B4GALT6: variants seen among roughly 807,000 people sequenced by gnomAD.
B4GALT6 encodes beta-1,4-galactosyltransferase 6, also known as UDP-Gal:beta-GlcNAc beta-1,4-galactosyltransferase 6.
B4GALT6 carries 14 observed loss-of-function variants against 46.3 expected under a neutral mutation model. The ratio of observed to expected loss-of-function variants is 0.30; its 90% CI spans 0.20 to 0.47. The LOEUF is 0.47. Ranked by LOEUF, B4GALT6 falls within the 20% of genes least tolerant of loss-of-function variation. B4GALT6 has a pLI of 0.99. For missense variants in B4GALT6, 386 were observed against 480.1 expected (o/e 0.80, Z 1.83); for synonymous variants, 168 against 162.0 (o/e 1.04, Z -0.28).
upstream of B4GALT6, among the ~76,000 whole-genome samples, chr18:31,689,589 A>G (rs545724898): frequency 8.5e-5 from 13 of 152,232 alleles, no homozygotes; most frequent in Admixed American, 2.0e-4. Flanking sequence ...CCAGAAATAT[A>G]AAAAATTAGC....
chr18:31,687,786 A>G (rs1471263492), upstream of B4GALT6, among the ~76,000 whole-genome samples: 1 of 152,198 alleles, frequency 6.6e-6, no homozygotes, highest in Non-Finnish European at 1.5e-5. Flanking sequence ...TTAAATCATA[A>G]TTAATGGTTT....
chr18:31,656,398 G>C (rs968215720), intron 3 of B4GALT6, among the ~76,000 whole-genome samples: 14 of 151,936 alleles, frequency 9.2e-5, no homozygotes, highest in African/African-American at 3.4e-4. Context: ...AAAAATCATG[G>C]GGCAGGGGTA....
intron 3 of B4GALT6, among the ~76,000 whole-genome samples, chr18:31,650,519 T>G (rs2074051367): frequency 6.6e-6 from 1 of 152,162 alleles, no homozygotes; most frequent in Non-Finnish European, 1.5e-5. Context: ...ACCTGAGCAA[T>G]GCTGGTAGGA....
chr18:31,640,989 T>C (rs2073924187), intron 4 of B4GALT6, among the ~76,000 whole-genome samples: 1 of 152,250 alleles, frequency 6.6e-6, no homozygotes, highest in Non-Finnish European at 1.5e-5. Flanking sequence ...TGATAACATG[T>C]AGCTTAGTAA....
intron 1 of B4GALT6, among the ~76,000 whole-genome samples, chr18:31,682,913 C>G (rs138754368): frequency 5.9e-5 from 9 of 152,230 alleles, no homozygotes; most frequent in Non-Finnish European, 1.3e-4. Context: ...AATATCAAAT[C>G]CACTAAGCTA....
intron 2 of B4GALT6, chr18:31,658,313 C>T (rs2074168865): frequency 5.2e-6 from 2 of 381,396 alleles, no homozygotes; most frequent in South Asian, 4.3e-5. Context: ...CACCCTTATC[C>T]TTGCACACAG....
intron 6 of B4GALT6, among the ~76,000 whole-genome samples, chr18:31,628,408 T>A (rs1043389610): frequency 6.6e-6 from 1 of 152,212 alleles, no homozygotes; most frequent in African/African-American, 2.4e-5. Context: ...CATGAATAAA[T>A]GTGTCTGTGT....
the B4GALT6 span, among the ~76,000 whole-genome samples, chr18:31,711,810 AT>A: frequency 6.6e-6 from 1 of 152,196 alleles, no homozygotes; most frequent in Non-Finnish European, 1.5e-5. Context: ...CAGGCTCCTT[AT>A]CCCTTTTTCA....
chr18:31,626,996 T>C lies in B4GALT6; in HGVS notation c.899+3A>G. 1 of 1,606,918 alleles carries C rather than the reference T, an allele frequency of 6.2e-7. No individual in the cohort carries two copies. The highest frequency in any genetic ancestry group is 8.5e-7 in the Non-Finnish European group (1 of 1,177,644). The stretch of plus-strand genomic sequence containing the variant: ...TTAGTGAACAATTTGTACCTCAACA[T>C]ACCTGTTCCAAAGGTCATCATCTTC... On this transcript the variant is annotated splice_donor_region_variant and intron_variant, in intron 7 of 8. Coordinates refer to ENST00000306851, the MANE Select transcript of B4GALT6 (RefSeq NM_004775.5).
Position 31,656,546 on chromosome 18 carries a change from A to C in B4GALT6, c.346+1430T>G, listed in dbSNP as rs375097578. Among the ~76,000 whole-genome samples, 9 of 152,134 alleles carry C rather than the reference A, an allele frequency of 5.9e-5. No homozygotes were observed. The South Asian group carries it at 1.9e-3, about 32-fold the overall frequency. On this transcript the variant is annotated intron_variant, in intron 3 of 8. Coordinates refer to ENST00000306851, the MANE Select transcript of B4GALT6 (RefSeq NM_004775.5). ...AAAATATATATATTTAAAGTACAGT[A>C]GCTTTATCACTACCACATATTACAC...
chr18:31,648,886 T>C (rs949949336), intron 3 of B4GALT6, among the ~76,000 whole-genome samples: 10 of 152,356 alleles, frequency 6.6e-5, no homozygotes, highest in South Asian at 4.1e-4. Flanking sequence ...GCTTGGAGCC[T>C]ATATCTATTT....
the B4GALT6 span, among the ~76,000 whole-genome samples, chr18:31,697,868 T>C: frequency 5.9e-5 from 9 of 152,352 alleles, no homozygotes; most frequent in Middle Eastern, 6.8e-3. Context: ...CTAATTATCA[T>C]TCGTTTGTAG....
intron 3 of B4GALT6, among the ~76,000 whole-genome samples, chr18:31,650,157 T>G (rs969556281): frequency 1.3e-5 from 2 of 152,184 alleles, no homozygotes; most frequent in African/African-American, 4.8e-5. Flanking sequence ...AGACTTGAAG[T>G]CCTCTCTGCT....
chr18:31,714,730 A>G, the B4GALT6 span, among the ~76,000 whole-genome samples: 2 of 152,226 alleles, frequency 1.3e-5, no homozygotes, highest in Non-Finnish European at 2.9e-5. Flanking sequence ...TTCTAAGAGT[A>G]AGATGTCAGG....
chr18:31,690,671 A>G (rs1029410500), upstream of B4GALT6, among the ~76,000 whole-genome samples: 1 of 151,058 alleles, frequency 6.6e-6, no homozygotes, highest in East Asian at 2.0e-4. Context: ...GGGTTTCACC[A>G]TGTTGGTCAG....
chr18:31,688,923 T>G (rs77156816), upstream of B4GALT6, among the ~76,000 whole-genome samples: 14,534 of 152,290 alleles, frequency 0.095, 915 homozygotes, highest in Middle Eastern at 0.16. Flanking sequence ...TTTCTTCATG[T>G]ATTTTTTTCA....
intron 5 of B4GALT6, 47 bp downstream of exon 5, chr18:31,638,597 G>A (rs1351606289): frequency 1.5e-6 from 2 of 1,372,768 alleles, no homozygotes; most frequent in Middle Eastern, 1.8e-4. Flanking sequence ...ATATCTAAGA[G>A]TTTAGATTCT....
At chr18:31,696,705 G>A in the B4GALT6 span, among the ~76,000 whole-genome samples, 2 of 152,114 alleles carry the variant, frequency 1.3e-5, no homozygotes, top group Non-Finnish European at 2.9e-5. Flanking sequence ...ATTTTTCTAA[G>A]AGGTTTTACC....
intron 4 of B4GALT6, among the ~76,000 whole-genome samples, chr18:31,642,704 T>G (rs539505164): frequency 3.8e-4 from 58 of 152,296 alleles, no homozygotes; most frequent in African/African-American, 1.4e-3. Flanking sequence ...TTACTAGTGG[T>G]TTTTTGTTTG....
Sources: gnomAD v4.1 joint callset for allele counts (sites outside exome capture counted in the v4.1 genomes callset) on GRCh38, gnomAD v4.1.1 for gene constraint, MANE v1.5 for transcripts, NCBI Gene and HGNC (gene_info 2026-07-23, HGNC 2026-07-21) for gene names.